Variants in KAZN observed in about 807,000 individuals in gnomAD.
The protein encoded by KAZN is kazrin.
Under a neutral mutation model 87.4 loss-of-function variants are expected in KAZN, and 40 were observed. The ratio of observed to expected loss-of-function variants is 0.46; its 90% confidence interval spans 0.36 to 0.60. The LOEUF is 0.60. Among genes scored for constraint, KAZN ranks in the 20% least tolerant of loss-of-function variants. The pLI, the probability that KAZN is intolerant of heterozygous loss-of-function variation, is 0.00. For missense variants in KAZN, 898 were observed against 1,073.9 expected (o/e 0.84, Z 2.29); for synonymous variants, 466 against 458.3 (o/e 1.02, Z -0.22).
At chr1:15,064,782 G>C (rs143083047) in intron 7 of KAZN, among the ~76,000 whole-genome samples, 12 of 152,340 alleles carry the variant, frequency 7.9e-5, no homozygotes, top group African/African-American at 2.9e-4. Flanking sequence ...GTCACTGTGT[G>C]CTTAGTGCCC....
At chr1:14,615,931 T>C (rs753399698) in intron 1 of KAZN, among the ~76,000 whole-genome samples, 17 of 152,218 alleles carry the variant, frequency 1.1e-4, no homozygotes, top group Admixed American at 3.9e-4. Context: ...GGACAGGCAG[T>C]TCGTCTTGGG....
At chr1:14,509,030 G>T (rs923179458) in intron 2 of KAZN, among the ~76,000 whole-genome samples, 13 of 152,294 alleles carry the variant, frequency 8.5e-5, no homozygotes, top group Admixed American at 4.6e-4. Flanking sequence ...AGGATGACAG[G>T]GAATAGGTTA....
At chr1:14,055,886 G>A (rs557972457) in intron 1 of KAZN, among the ~76,000 whole-genome samples, 1 of 152,188 alleles carries the variant, frequency 6.6e-6, no homozygotes, top group Non-Finnish European at 1.5e-5. Flanking sequence ...TCAATGTCTG[G>A]GGGAAAAATG....
intron 2 of KAZN, among the ~76,000 whole-genome samples, chr1:14,572,156 T>C (rs1473599562): frequency 3.9e-5 from 6 of 152,180 alleles, no homozygotes; most frequent in South Asian, 2.1e-4. Flanking sequence ...TGGGAAACTT[T>C]AGAATAACTC....
intron 1 of KAZN, among the ~76,000 whole-genome samples, chr1:14,153,369 C>T (rs113055315): frequency 0.029 from 4,438 of 152,168 alleles, 219 homozygotes; most frequent in African/African-American, 0.1. Flanking sequence ...ATTCCATTTT[C>T]GTATATGTTG....
chr1:15,060,607 T>G, intron 6 of KAZN: 1 of 382,434 alleles, frequency 2.6e-6, no homozygotes. Flanking sequence ...GACCGTGGGC[T>G]TCTCCTCCCA....
In KAZN at chr1:14,669,625, T is replaced by C. The variant is rs929563340; in HGVS notation, c.226+70402T>C. The stretch of plus-strand genomic sequence containing the variant: ...AGCCAGGTACAGTGGTGTGCACCTA[T>C]AGTCCCAGCTACTCAGGAGGCTGGG... On this transcript the variant is annotated intron_variant, in intron 1 of 14. Transcript: ENST00000376030. Among the ~76,000 whole-genome samples the C allele has an allele frequency of 3.3e-5, 5 of 152,124 alleles. No individual in the cohort carries two copies. In the East Asian group the frequency reaches 5.8e-4, roughly 18 times the overall value.
At chr1:14,191,078 C>G (rs917664464) in intron 2 of KAZN, among the ~76,000 whole-genome samples, 4 of 152,130 alleles carry the variant, frequency 2.6e-5, no homozygotes, top group African/African-American at 9.7e-5. Flanking sequence ...GGTTTTACAC[C>G]ATTCATCCAG....
At chr1:14,613,332 A>G (rs1467637627) in intron 1 of KAZN, among the ~76,000 whole-genome samples, 1 of 152,198 alleles carries the variant, frequency 6.6e-6, no homozygotes, top group Admixed American at 6.5e-5. Context: ...CCCACCAACA[A>G]AATGATCATT....
chr1:14,882,683 C>T (rs1653469596), intron 1 of KAZN, among the ~76,000 whole-genome samples: 1 of 152,194 alleles, frequency 6.6e-6, no homozygotes, highest in African/African-American at 2.4e-5. Context: ...CTTCTCCCTG[C>T]ACGTGGAGGG....
intron 1 of KAZN, among the ~76,000 whole-genome samples, chr1:13,955,501 T>G (rs1004597951): frequency 1.4e-4 from 22 of 152,162 alleles, no homozygotes; most frequent in African/African-American, 5.3e-4. Context: ...TTTTGGGATT[T>G]TAGACTTTAG....
chr1:14,879,382 T>C (rs966733855), intron 1 of KAZN, among the ~76,000 whole-genome samples: 1 of 152,226 alleles, frequency 6.6e-6, no homozygotes, highest in Non-Finnish European at 1.5e-5. Flanking sequence ...TGATTACATA[T>C]ATGATGATTG....
intron 2 of KAZN, among the ~76,000 whole-genome samples, chr1:14,305,973 G>A (rs904279154): frequency 6.6e-6 from 1 of 152,090 alleles, no homozygotes; most frequent in East Asian, 1.9e-4. Context: ...TAGAAAACAC[G>A]AACCTTGTCC....
chr1:14,429,962 C>T (rs1161848332), intron 2 of KAZN, among the ~76,000 whole-genome samples: 1 of 152,014 alleles, frequency 6.6e-6, no homozygotes, highest in Non-Finnish European at 1.5e-5. Flanking sequence ...ATCTCCTGAC[C>T]TCTTCCCCCA....
At chr1:14,845,682 T>C (rs894033175) in intron 1 of KAZN, among the ~76,000 whole-genome samples, 1 of 152,178 alleles carries the variant, frequency 6.6e-6, no homozygotes, top group Non-Finnish European at 1.5e-5. Flanking sequence ...ATACCCTGTG[T>C]TCCTTATGGT....
chr1:14,422,578 A>C (rs1039500453), intron 2 of KAZN, among the ~76,000 whole-genome samples: 3 of 152,236 alleles, frequency 2.0e-5, no homozygotes, highest in African/African-American at 7.2e-5. Context: ...GAAAAGTCTC[A>C]TTGTGTGGCT....
intron 1 of KAZN, among the ~76,000 whole-genome samples, chr1:14,823,659 G>A (rs1410211766): frequency 6.6e-6 from 1 of 152,124 alleles, no homozygotes; most frequent in Non-Finnish European, 1.5e-5. Flanking sequence ...AAAGAAAGAA[G>A]GGATACTTAA....
intron 1 of KAZN, among the ~76,000 whole-genome samples, chr1:14,021,953 C>CT (rs141959214): frequency 0.21 from 23,506 of 113,208 alleles, 3,708 homozygotes; most frequent in African/African-American, 0.34. Flanking sequence ...AATGAACATG[C>CT]TTTTTTTTTT....
intron 1 of KAZN, among the ~76,000 whole-genome samples, chr1:14,054,064 G>T (rs559254963): frequency 4.6e-5 from 7 of 151,784 alleles, no homozygotes; most frequent in Admixed American, 1.3e-4. Flanking sequence ...GGAGGGATTG[G>T]TTTTTCTGTC....
Sources: allele counts gnomAD v4.1 joint callset (sites outside exome capture counted in the v4.1 genomes callset), GRCh38; gene constraint gnomAD v4.1.1; transcripts MANE v1.5; gene names NCBI Gene and HGNC (gene_info 2026-07-23, HGNC 2026-07-21).